The following ETV7 variants were observed in gnomAD, a reference collection of about 807,000 sequenced individuals.
The protein encoded by ETV7 is ETS variant transcription factor 7.
ETV7 carries 43 observed loss-of-function variants against 39.1 expected under a neutral mutation model. The observed-to-expected ratio is 1.10, with a 90% CI of 0.86 to 1.42. The LOEUF is 1.42. ETV7 is among the 40% of genes most tolerant of loss of function. The probability of loss-of-function intolerance (pLI) is 0.00; values close to 1 mark genes in which losing one functional copy is unlikely to be tolerated. For missense variants in ETV7, 432 were observed against 442.3 expected, an observed-to-expected ratio of 0.98 and a Z score of 0.21; for synonymous variants, 196 against 176.6, an observed-to-expected ratio of 1.11 and a Z score of -0.87.
In ETV7 at chr6:36,387,616, C is replaced by A; in HGVS notation, c.-75G>T. ...TGGCTGTGGCTGCTGGGGCCCTAGG[C>A]CCGCGCCCCGCAGTCCTCCTCCGCC... On this transcript the variant is annotated 5_prime_UTR_variant, in exon 1 of 8. Coordinates refer to ENST00000340181, the MANE Select transcript of ETV7 (RefSeq NM_016135.4). The A allele has an allele frequency of 6.4e-7, 1 of 1,559,526 alleles. No individual in the cohort carries two copies. The highest frequency in any genetic ancestry group is 2.0e-4 in the Middle Eastern group (1 of 5,078).
downstream of ETV7, among the ~76,000 whole-genome samples, chr6:36,364,648 C>T (rs555556508): frequency 3.2e-4 from 48 of 152,364 alleles, no homozygotes; most frequent in African/African-American, 1.1e-3. Context: ...GGAGCCGGCT[C>T]TGGCCTTGGC....
downstream of ETV7, among the ~76,000 whole-genome samples, chr6:36,362,616 C>G (rs1330545603): frequency 2.6e-5 from 4 of 152,190 alleles, no homozygotes; most frequent in Non-Finnish European, 1.5e-5. Context: ...AGAAGGCAGG[C>G]CTAAATGAAC....
chr6:36,356,016 T>TC (rs1368961073), intron 7 of ETV7, among the ~76,000 whole-genome samples: 2 of 152,192 alleles, frequency 1.3e-5, no homozygotes, highest in Non-Finnish European at 2.9e-5. Flanking sequence ...TGTACCTCCT[T>TC]AAGAAATAGA....
chr6:36,371,417 A>C lies in ETV7; in HGVS notation c.577T>G (p.Cys193Gly). 1 of 1,603,192 alleles carries C rather than the reference A, an allele frequency of 6.2e-7. No homozygotes were observed. Among genetic ancestry groups the C allele is most frequent in the Non-Finnish European group, 8.5e-7 (1 of 1,174,296 alleles). The change falls in exon 5 of 8, where the codon TGT (cysteine) becomes GGT (glycine). Residue 193 changes from cysteine (C) to glycine (G), a missense_variant. Cys to Gly is a radical substitution (Grantham distance 159, BLOSUM62 -3). Transcript: ENST00000340181. ...CTGCAGCCGAGCTCTGCACAGTGAC[A>C]TAAGTTGAGGGACTCCTCCTTGCCA... The part of the protein sequence containing the change: ...TPGKEESLNL[C>G]HCAELGCRTQ...
rs188625247 is a variant in ETV7, at chr6:36,376,694, C to T, written c.143-659G>A. On this transcript the variant is annotated intron_variant, in intron 2 of 7. Transcript: ENST00000340181. ...GGGAGGCTGAAGCAGGTGAATCGCT[C>T]GAACCCGGGAAGCAGAGGTTGCAGT... Among the ~76,000 whole-genome samples the T allele has an allele frequency of 3.4e-3, 520 of 151,086 alleles. 5 individuals carry two copies. The highest frequency in any genetic ancestry group is 0.012 in the African/African-American group (488 of 41,118).
intron 1 of ETV7, chr6:36,386,790 A>G (rs1383237675): frequency 6.6e-6 from 1 of 152,316 alleles, no homozygotes; most frequent in African/African-American, 2.4e-5. Flanking sequence ...TTTCCCAAGT[A>G]ATCAGACCTC....
downstream of ETV7, among the ~76,000 whole-genome samples, chr6:36,365,910 G>A (rs373381390): frequency 4.4e-4 from 67 of 152,264 alleles, no homozygotes; most frequent in Middle Eastern, 0.01. Flanking sequence ...AGTGGCTCAC[G>A]CCTGTAATCC....
At chr6:36,364,419 C>G (rs906362201), downstream of ETV7, among the ~76,000 whole-genome samples, 2 of 152,238 alleles carry the variant, frequency 1.3e-5, no homozygotes, top group Admixed American at 1.3e-4. Context: ...AGCGCAGCGC[C>G]GGTGGGCTGG....
Position 36,387,596 on chromosome 6 carries a change from G to A in ETV7, c.-55C>T, listed in dbSNP as rs1039705649. 10 of 1,607,420 alleles carry A rather than the reference G, an allele frequency of 6.2e-6. No individual in the cohort carries two copies. The highest frequency in any genetic ancestry group is 8.5e-6 in the Non-Finnish European group (10 of 1,175,556). On this transcript the variant is annotated 5_prime_UTR_variant, in exon 1 of 8. Transcript: ENST00000340181. The stretch of plus-strand genomic sequence containing the variant: ...TTCTGTCTTGAGCGCTCCCCTGGCT[G>A]TGGCTGCTGGGGCCCTAGGCCCGCG...
At position 36,366,895 on chromosome 6, in the gene ETV7, C is replaced by G. The variant is rs2234082; in HGVS notation, c.888G>C (p.Pro296=). 1 of 1,613,946 alleles carries G rather than the reference C, an allele frequency of 6.2e-7. No individual in the cohort carries two copies. The highest frequency in any genetic ancestry group is 1.3e-5 in the African/African-American group (1 of 74,882). Residue 296 remains proline (P), a synonymous_variant, in exon 7 of 8, where the codon CCG becomes CCC. Coordinates refer to ENST00000340181, the MANE Select transcript of ETV7 (RefSeq NM_016135.4). ...CTCACCTGAACAGGAGTTTCTGCCC[C>G]GGTTCCTTCTTAATGATATTAAGCT... ...YYKLNIIKKE[P]GQKLLFRFLK...
In ETV7 at chr6:36,366,647, A is replaced by C; in HGVS notation, c.1024T>G (p.Ter342GlyextTer72). ...FKDKRPEISP[*>G] ...GGTGCCTGGAGTCCACCTGCCCCTC[A>C]CGGAGAGATTTCTGGCCTCTTGTCC... The change falls in exon 8 of 8, where the codon TGA (stop) becomes GGA (glycine). Residue 342 changes from the stop codon to glycine (G), a stop_lost. Coordinates refer to ENST00000340181, the MANE Select transcript of ETV7 (RefSeq NM_016135.4). The C allele has an allele frequency of 6.2e-7, 1 of 1,614,058 alleles. No homozygotes were observed. The highest frequency in any genetic ancestry group is 8.5e-7 in the Non-Finnish European group (1 of 1,180,004).
At chr6:36,367,021 G>T (rs2127386476) in intron 6 of ETV7, 46 bp from the exon 7 acceptor site, 2 of 1,448,322 alleles carry the variant, frequency 1.4e-6, no homozygotes, top group Non-Finnish European at 1.9e-6. Flanking sequence ...CCCATGTCCT[G>T]CTCCTTCCAC....
intron 7 of ETV7, among the ~76,000 whole-genome samples, chr6:36,360,694 T>A (rs1017751875): frequency 5.9e-5 from 9 of 152,192 alleles, no homozygotes; most frequent in African/African-American, 2.2e-4. Flanking sequence ...GACATGGTTT[T>A]AAACTGCAGG....
chr6:36,385,795 C>T, intron 1 of ETV7, 126 bp from the exon 2 acceptor site: 1 of 1,009,730 alleles, frequency 9.9e-7, no homozygotes, highest in South Asian at 1.7e-5. Context: ...ACTGCATCAA[C>T]CTTAAAGGTA....
chr6:36,380,019 T>C (rs1394955711), intron 2 of ETV7, among the ~76,000 whole-genome samples: 1 of 152,210 alleles, frequency 6.6e-6, no homozygotes, highest in East Asian at 1.9e-4. Context: ...AAAATTGTAC[T>C]GTCCACACAG....
chr6:36,376,385 G>A (rs527469370), intron 2 of ETV7, among the ~76,000 whole-genome samples: 7 of 152,348 alleles, frequency 4.6e-5, no homozygotes, highest in African/African-American at 1.4e-4. Context: ...GGAGCACACT[G>A]TTATGTGTAT....
At chr6:36,375,810 C>T (rs780872720) in intron 3 of ETV7, 61 bp downstream of exon 3, 23 of 1,610,618 alleles carry the variant, frequency 1.4e-5, no homozygotes, top group East Asian at 2.2e-5. Flanking sequence ...CCCGGGGGTA[C>T]TTGGGCCATC....
At chr6:36,361,754 A>G (rs1772494928), downstream of ETV7, among the ~76,000 whole-genome samples, 1 of 152,222 alleles carries the variant, frequency 6.6e-6, no homozygotes, top group African/African-American at 2.4e-5. Context: ...TCATTAATGA[A>G]CTTTTTATTA....
chr6:36,363,260 G>A (rs1301718451), downstream of ETV7, among the ~76,000 whole-genome samples: 1 of 152,164 alleles, frequency 6.6e-6, no homozygotes, highest in East Asian at 1.9e-4. Flanking sequence ...GTTCCGACGT[G>A]TTCAGAGTTT....
Sources: allele counts gnomAD v4.1 joint callset (sites outside exome capture counted in the v4.1 genomes callset), GRCh38; gene constraint gnomAD v4.1.1; transcripts MANE v1.5; gene names NCBI Gene and HGNC (gene_info 2026-07-23, HGNC 2026-07-21).